SPTB: variants seen among roughly 807,000 people sequenced by gnomAD.
SPTB encodes the protein spectrin beta, erythrocytic.
Under a neutral mutation model 256.2 loss-of-function variants are expected in SPTB, and 45 were observed. That is an observed-to-expected ratio of 0.18 (90% CI 0.14 to 0.23). SPTB has a LOEUF of 0.23. Among genes scored for constraint, SPTB ranks in the 10% least tolerant of loss-of-function variants. The pLI is 1.00. For missense variants in SPTB, 2,715 were observed against 3,040.4 expected (o/e 0.89, Z 2.52); for synonymous variants, 1,231 against 1,243.1 (o/e 0.99, Z 0.21).
intron 1 of SPTB, among the ~76,000 whole-genome samples, chr14:64,859,712 CTCTCTCTCTA>C (rs747882704): frequency 0.26 from 11,828 of 45,156 alleles, 669 homozygotes; most frequent in Middle Eastern, 0.36. Flanking sequence ...CTCTCTCTCT[CTCTCTCTCTA>C]TATATATATA....
rs72724498 is a variant in SPTB at position 64,787,031 on chromosome 14, C to T, written c.2934G>A (p.Glu978=). ...KWITDKTKVV[E]STKDLGRDLA... ...GGTCCCGCCCCAGGTCTTTTGTGGA[C>T]TCCACTACCTTTGTCTTGTCCGTGA... Residue 978 remains glutamate (E), a synonymous_variant, in exon 16 of 36, where the codon GAG becomes GAA. Transcript: ENST00000644917. The T allele has an allele frequency of 0.019, 30,212 of 1,614,096 alleles. 346 individuals are homozygous for T. Among genetic ancestry groups the T allele is most frequent in the Non-Finnish European group, 0.023 (27,172 of 1,180,038 alleles).
intron 1 of SPTB, among the ~76,000 whole-genome samples, chr14:64,868,806 G>T (rs1238394542): frequency 6.6e-6 from 1 of 152,194 alleles, no homozygotes; most frequent in Non-Finnish European, 1.5e-5. Flanking sequence ...TGGTACAGCT[G>T]CCTTATGAGA....
Position 64,748,144 on chromosome 14 carries a change from G to A in SPTB, c.*1162C>T, listed in dbSNP as rs2081877564. 1 of 152,164 alleles carries A rather than the reference G, an allele frequency of 6.6e-6. No homozygotes were observed. Among genetic ancestry groups the A allele is most frequent in the Non-Finnish European group, 1.5e-5 (1 of 68,044 alleles). 9.4% of individuals were successfully genotyped at this position (152,164 alleles called of 1,614,324 possible). A position where few individuals can be genotyped will look rare whatever the true frequency, so the allele number is the denominator to read the frequency against. On this transcript the variant is annotated 3_prime_UTR_variant, in exon 36 of 36. Transcript: ENST00000644917. ...TGACATTTGTCCCAGTTGTGCAGGAGTAGCTGTCACATGGGTGGTGATACC... is the reference window on the plus strand; with the variant it reads ...TGACATTTGTCCCAGTTGTGCAGGAATAGCTGTCACATGGGTGGTGATACC...
rs978583791 is a variant in SPTB, at chr14:64,777,710, G to T, written c.4563+1447C>A. Among the ~76,000 whole-genome samples the T allele has an allele frequency of 6.6e-6, 1 of 152,168 alleles. No individual in the cohort carries two copies. The highest frequency in any genetic ancestry group is 2.4e-5 in the African/African-American group (1 of 41,430). On this transcript the variant is annotated intron_variant, in intron 22 of 35. Transcript: ENST00000644917. This position sits in a 1 kb window ranked among gnomAD's most constrained non-coding sequence, Gnocchi z 4.5. ...AACTCACCCAGAAGGCTTGTTAAAG[G>T]AGTTGCATATTGGAGTTTGACAACC...
Position 64,795,413 on chromosome 14 carries a change from C to T in SPTB, c.1568G>A (p.Arg523Lys). The change falls in exon 12 of 36, where the codon AGG becomes AAG. Residue 523 changes from arginine to lysine, a missense_variant. By Grantham distance (26) the Arg-to-Lys change is conservative. Transcript: ENST00000644917. This position sits in a 1 kb window ranked among gnomAD's most constrained non-coding sequence, Gnocchi z 6.5. ...LQELLQSRRQ[R>K]LETTLALQKL... ...CTGCAGTGCCAGGGTGGTCTCGAGC[C>T]TCTGGCGCCGGGACTGCAGCAGCTC... 2 of 1,614,186 alleles carry T rather than the reference C, an allele frequency of 1.2e-6. No individual in the cohort carries two copies. The highest frequency in any genetic ancestry group is 1.7e-6 in the Non-Finnish European group (2 of 1,180,032).
intron 1 of SPTB, among the ~76,000 whole-genome samples, chr14:64,851,698 GA>G (rs1052083514): frequency 6.6e-6 from 1 of 152,182 alleles, no homozygotes; most frequent in Non-Finnish European, 1.5e-5. Context: ...AAAGGAATGA[GA>G]TCATGTCCTT....
rs1225120777 is a variant in SPTB, at chr14:64,804,975, G to C, written c.264C>G (p.Leu88=). 3.1e-6 allele frequency: 5 copies of C among 1,614,222 alleles called. No homozygotes were observed. ...LYKDLRDGRM[L]IKLLEVLSGE... is the part of the protein sequence containing the mutation. ...CAGAGAGCACCTCCAGCAGCTTGAT[G>C]AGCATGCGCCCATCCCGCAGGTCCT... The change falls in exon 3 of 36, where the codon CTC becomes CTG. Residue 88 remains leucine, a synonymous_variant. Coordinates refer to ENST00000644917, the MANE Select transcript of SPTB (RefSeq NM_001355436.2).
chr14:64,784,290 G>T lies in SPTB; in HGVS notation c.3959C>A (p.Ala1320Glu). Residue 1320 changes from alanine (A) to glutamate (E), a missense_variant, in exon 19 of 36, where the codon GCA becomes GAA. Physicochemically the swap from Ala to Glu is moderately radical, Grantham distance 107 (BLOSUM62 -1). Transcript: ENST00000644917. ...CCACCCTTCATGGGAAGCCAGCTCTGCCACAAACGCCTGGTGCTTTAGCCA... is the reference window on the plus strand; with the variant it reads ...CCACCCTTCATGGGAAGCCAGCTCTTCCACAAACGCCTGGTGCTTTAGCCA... ...NKWLKHQAFV[A>E]ELASHEGWLE... is the part of the protein sequence containing the mutation. 3.7e-6 allele frequency: 6 copies of T among 1,614,242 alleles called. No individual in the cohort carries two copies. Among genetic ancestry groups the T allele is most frequent in the Non-Finnish European group, 4.2e-6 (5 of 1,180,044 alleles).
intron 2 of SPTB, among the ~76,000 whole-genome samples, chr14:64,812,224 C>A (rs557540705): frequency 4.2e-4 from 64 of 152,364 alleles, no homozygotes; most frequent in Non-Finnish European, 4.4e-5. Context: ...GCTGGGATTA[C>A]AGGCGTGAGC....
chr14:64,774,436 C>A lies in SPTB; in HGVS notation c.4934G>T (p.Ser1645Ile). The part of the protein sequence containing the change: ...DYGRNIKQLA[S>I]RAQGLLSAGH... ...TGCAGACAGCAGGCCCTGGGCCCGGCTGGCCAGCTGCTTGATGTTCCGGCC... is the reference window on the plus strand; with the variant it reads ...TGCAGACAGCAGGCCCTGGGCCCGGATGGCCAGCTGCTTGATGTTCCGGCC... Residue 1645 changes from serine (S) to isoleucine (I), a missense_variant, in exon 24 of 36, where the codon AGC becomes ATC. Ser to Ile is a moderately radical substitution (Grantham distance 142, BLOSUM62 -2). This residue lies in a region of SPTB where 2,239 missense variants were observed against 2,384.4 expected (regional missense o/e 0.94). Transcript: ENST00000644917. 11 of 1,574,272 alleles carry A rather than the reference C, an allele frequency of 7.0e-6. No homozygotes were observed. The highest frequency in any genetic ancestry group is 9.5e-6 in the Non-Finnish European group (11 of 1,159,884).
chr14:64,839,358 G>A (rs541886891), intron 1 of SPTB, among the ~76,000 whole-genome samples: 82 of 152,266 alleles, frequency 5.4e-4, no homozygotes, highest in African/African-American at 1.7e-3. Flanking sequence ...AAATGCATAC[G>A]CTGTCCTAGA....
intron 1 of SPTB, among the ~76,000 whole-genome samples, chr14:64,860,628 C>A (rs897575642): frequency 6.6e-6 from 1 of 152,114 alleles, no homozygotes; most frequent in South Asian, 2.1e-4. Context: ...TGCCTCAGAA[C>A]ATTGTAGGAC....
chr14:64,754,040 G>A, intron 32 of SPTB: 2 of 608,754 alleles, frequency 3.3e-6, no homozygotes, highest in Non-Finnish European at 2.9e-6. Context: ...CTGCAGGGTG[G>A]CCCCCTCTCT....
At chr14:64,858,717 A>G (rs2083912372) in intron 1 of SPTB, among the ~76,000 whole-genome samples, 1 of 152,104 alleles carries the variant, frequency 6.6e-6, no homozygotes, top group Non-Finnish European at 1.5e-5. Context: ...TGCCTGGGAG[A>G]AGGGGAAGGT....
Position 64,786,053 on chromosome 14 carries a change from A to G in SPTB, c.3562-102T>C. The G allele has an allele frequency of 3.3e-6, 4 of 1,195,712 alleles. No homozygotes were observed. The South Asian group carries it at 4.9e-5, about 15-fold the overall frequency. 74.1% of individuals were successfully genotyped at this position (1,195,712 alleles called of 1,614,324 possible). On this transcript the variant is annotated intron_variant, in intron 16 of 35. Transcript: ENST00000644917. The surrounding 1 kb of genome is among the most constrained non-coding windows in gnomAD (Gnocchi z 5.6). ...CACGTGCAGCCACACAGGCCACGGT[A>G]TGAATGAGCCCCCTAGAGTAGTACA...
Position 64,786,834 on chromosome 14 carries a change from T to C in SPTB, c.3131A>G (p.Gln1044Arg). The C allele has an allele frequency of 6.2e-7, 1 of 1,613,844 alleles. No individual in the cohort carries two copies. Among genetic ancestry groups the C allele is most frequent in the Non-Finnish European group, 8.5e-7 (1 of 1,180,030 alleles). Reference protein sequence around the residue: ...QRQKHLEELWQGLQQSLQGQE... With the variant: ...QRQKHLEELWRGLQQSLQGQE... ...GCCCTGCAGGGATTGCTGCAGGCCC[T>C]GCCACAGCTCCTCCAAGTGTTTTTG... Residue 1044 changes from glutamine to arginine, a missense_variant, in exon 16 of 36, where the codon CAG becomes CGG. By Grantham distance (43) the Gln-to-Arg change is conservative. Around this residue, in one of 4 missense-constraint regions of SPTB, gnomAD observed 2,239 missense variants for 2,384.4 expected, o/e 0.94. Coordinates refer to ENST00000644917, the MANE Select transcript of SPTB (RefSeq NM_001355436.2). The surrounding 1 kb of genome is among the most constrained non-coding windows in gnomAD (Gnocchi z 5.6).
At position 64,796,566 on chromosome 14, in the gene SPTB, G is replaced by A. The variant is rs150377252; in HGVS notation, c.1332C>T (p.Leu444=). The A allele has an allele frequency of 1.7e-5, 28 of 1,614,044 alleles. No individual in the cohort carries two copies. Among genetic ancestry groups the A allele is most frequent in the Admixed American group, 5.0e-5 (3 of 60,008 alleles). The change falls in exon 11 of 36, where the codon CTC becomes CTT. Residue 444 remains leucine (L), a synonymous_variant. Transcript: ENST00000644917. The surrounding 1 kb of genome is among the most constrained non-coding windows in gnomAD (Gnocchi z 4.1). ...GCATGTCCCTCATTACCTGGGCCAC[G>A]AGGCGCTGGTTTTCACTGAGCCAGG... is the stretch of plus-strand genomic sequence containing the variant. ...RETWLSENQR[L]VAQDNFGYDL...
At chr14:64,770,746 CAA>C in intron 27 of SPTB, 137 bp downstream of exon 27, 20 of 1,374,328 alleles carry the variant, frequency 1.5e-5, no homozygotes, top group Non-Finnish European at 2.0e-5. Flanking sequence ...CCTCAGGCCT[CAA>C]GTGTCCCCCA....
At chr14:64,874,440 A>G (rs777702352) in intron 1 of SPTB, among the ~76,000 whole-genome samples, 4 of 152,182 alleles carry the variant, frequency 2.6e-5, no homozygotes, top group Admixed American at 1.3e-4. Flanking sequence ...TAGACACCCA[A>G]TGTCTGCTCT....
Sources: gnomAD v4.1 joint callset for allele counts (sites outside exome capture counted in the v4.1 genomes callset) on GRCh38, gnomAD v4.1.1 for gene constraint, gnomAD v4.1.1 regional missense constraint, Gnocchi (gnomAD v3.1) non-coding constraint, MANE v1.5 for transcripts, NCBI Gene and HGNC (gene_info 2026-07-23, HGNC 2026-07-21) for gene names.